The following XPR1 variants were observed in gnomAD, a reference collection of about 807,000 sequenced individuals.
The protein encoded by XPR1 is solute carrier family 53 member 1.
A neutral mutation model predicts 87.5 loss-of-function variants in XPR1; 28 were observed. That is an observed-to-expected ratio of 0.32 (90% CI 0.24 to 0.44). The LOEUF (loss-of-function observed/expected upper bound fraction) is 0.44. Ranked by LOEUF, XPR1 falls within the 20% of genes least tolerant of loss-of-function variation. The probability of loss-of-function intolerance (pLI) is 1.00; values close to 1 mark genes in which losing one functional copy is unlikely to be tolerated. For synonymous variants in XPR1, 300 were observed against 306.1 expected (o/e 0.98, Z 0.21); for missense variants, 559 against 862.3 (o/e 0.65, Z 4.41).
rs1653043593 is a variant in XPR1 at position 180,887,229 on chromosome 1, A to G, written c.*3163A>G. 1 of 152,232 alleles carries G rather than the reference A, an allele frequency of 6.6e-6. No individual in the cohort carries two copies. Among genetic ancestry groups the G allele is most frequent in the Non-Finnish European group, 1.5e-5 (1 of 68,036 alleles). The allele number at this position is 152,232 out of a possible 1,614,324, so 9.4% of individuals were successfully genotyped here. ...ACTCATTTTAAAGGAGCAGCAACCT[A>G]ACCAAATACAAACTTCATTTGATTT... On this transcript the variant is annotated 3_prime_UTR_variant, in exon 15 of 15. Coordinates refer to ENST00000367590, the MANE Select transcript of XPR1 (RefSeq NM_004736.4).
intron 1 of XPR1, among the ~76,000 whole-genome samples, chr1:180,673,622 G>A (rs2101933811): frequency 1.3e-5 from 2 of 152,278 alleles, no homozygotes; most frequent in South Asian, 2.1e-4. Flanking sequence ...CATCAGCAAC[G>A]GCGTTAGATT....
intron 2 of XPR1, among the ~76,000 whole-genome samples, chr1:180,697,696 G>C (rs1037380183): frequency 6.6e-6 from 1 of 151,948 alleles, no homozygotes; most frequent in Non-Finnish European, 1.5e-5. Context: ...TTTAATTTCT[G>C]TATTGACCCA....
At chr1:180,774,365 A>T (rs1648627688) in intron 2 of XPR1, among the ~76,000 whole-genome samples, 1 of 151,644 alleles carries the variant, frequency 6.6e-6, no homozygotes. Context: ...TTTTAAAAAA[A>T]GAAATCTGTC....
At chr1:180,679,225 A>AAACTT (rs1395734606) in intron 1 of XPR1, among the ~76,000 whole-genome samples, 1 of 151,450 alleles carries the variant, frequency 6.6e-6, no homozygotes, top group African/African-American at 2.4e-5. Context: ...AACAAAAAAA[A>AAACTT]CGGTGGGTTA....
At position 180,886,561 on chromosome 1, in the gene XPR1, T is replaced by C. The variant is rs1653018030; in HGVS notation, c.*2495T>C. 1 of 152,240 alleles carries C rather than the reference T, an allele frequency of 6.6e-6. No individual in the cohort carries two copies. Among genetic ancestry groups the C allele is most frequent in the South Asian group, 2.1e-4 (1 of 4,836 alleles). 9.4% of individuals were successfully genotyped at this position (152,240 alleles called of 1,614,324 possible). A position where few individuals can be genotyped will look rare whatever the true frequency, so the allele number is the denominator to read the frequency against. On this transcript the variant is annotated 3_prime_UTR_variant, in exon 15 of 15. Transcript: ENST00000367590. ...GATGCAATGATAGATGTAATCCTTT[T>C]CTGAAGTGTTTGTCGGATTGGCATA...
At chr1:180,761,713 C>T (rs1442276708) in intron 2 of XPR1, among the ~76,000 whole-genome samples, 5 of 152,250 alleles carry the variant, frequency 3.3e-5, no homozygotes, top group Non-Finnish European at 7.4e-5. Context: ...GTCAGTGTGG[C>T]AATTCCTCAG....
chr1:180,762,732 G>T (rs1371219695), intron 2 of XPR1, among the ~76,000 whole-genome samples: 1 of 152,156 alleles, frequency 6.6e-6, no homozygotes, highest in Non-Finnish European at 1.5e-5. Context: ...TTACTGTTTG[G>T]TGTTATTGCC....
intron 11 of XPR1, among the ~76,000 whole-genome samples, chr1:180,855,918 C>T (rs1473329292): frequency 1.3e-5 from 2 of 152,164 alleles, no homozygotes; most frequent in Non-Finnish European, 2.9e-5. Context: ...GTGCACTGCT[C>T]TCATTTCCCC....
intron 1 of XPR1, 131 bp from the exon 2 acceptor site, chr1:180,682,229 A>G: frequency 1.9e-6 from 1 of 532,054 alleles, no homozygotes; most frequent in Non-Finnish European, 3.1e-6. Flanking sequence ...ATAAATGTTA[A>G]TTGAAGTATT....
chr1:180,655,770 A>T (rs61038985), intron 1 of XPR1, among the ~76,000 whole-genome samples: 6,528 of 151,978 alleles, frequency 0.043, 501 homozygotes, highest in African/African-American at 0.15. Flanking sequence ...TTTAAAAAAA[A>T]TTGCCCAATT....
intron 7 of XPR1, among the ~76,000 whole-genome samples, chr1:180,822,927 A>G (rs1025144228): frequency 6.6e-6 from 1 of 152,166 alleles, no homozygotes; most frequent in Non-Finnish European, 1.5e-5. Context: ...TAAACAATAA[A>G]TGGTTATTTA....
intron 7 of XPR1, among the ~76,000 whole-genome samples, chr1:180,812,522 T>C (rs1253454288): frequency 6.6e-6 from 1 of 152,196 alleles, no homozygotes; most frequent in East Asian, 1.9e-4. Context: ...TCTTTTAGTT[T>C]CTCTTGTCCC....
intron 13 of XPR1, among the ~76,000 whole-genome samples, chr1:180,874,504 A>G (rs1652598629): frequency 6.6e-6 from 1 of 152,194 alleles, no homozygotes; most frequent in African/African-American, 2.4e-5. Context: ...AACCTGGCCA[A>G]CATGGTGAAA....
At chr1:180,653,834 G>T (rs1478517791) in intron 1 of XPR1, among the ~76,000 whole-genome samples, 3 of 152,240 alleles carry the variant, frequency 2.0e-5, no homozygotes, top group Middle Eastern at 3.4e-3. Context: ...TGACTACTAA[G>T]TGACTAATTG....
Position 180,880,070 on chromosome 1 carries a change from G to C in XPR1, c.1809-6G>C. ...TAAGTACTTTGATCTACCCCATTTTGCTAAGGCGATTTGTGTGGAACTTCT... is the reference window on the plus strand; with the variant it reads ...TAAGTACTTTGATCTACCCCATTTTCCTAAGGCGATTTGTGTGGAACTTCT... On this transcript the variant is annotated splice_region_variant and splice_polypyrimidine_tract_variant and intron_variant, in intron 13 of 14. Transcript: ENST00000367590. 2 of 1,614,100 alleles carry C rather than the reference G, an allele frequency of 1.2e-6. No individual in the cohort carries two copies. Among genetic ancestry groups the C allele is most frequent in the Non-Finnish European group, 1.7e-6 (2 of 1,180,016 alleles).
chr1:180,697,723 A>G (rs1030960555), intron 2 of XPR1, among the ~76,000 whole-genome samples: 1 of 152,066 alleles, frequency 6.6e-6, no homozygotes, highest in African/African-American at 2.4e-5. Context: ...ATTGAGGAGC[A>G]TGTTGTTAAT....
intron 1 of XPR1, among the ~76,000 whole-genome samples, chr1:180,633,941 T>C (rs1654681507): frequency 6.6e-6 from 1 of 152,226 alleles, no homozygotes; most frequent in Admixed American, 6.5e-5. Context: ...GAAGTAATAG[T>C]GGCTGGATGT....
intron 2 of XPR1, among the ~76,000 whole-genome samples, chr1:180,713,741 A>T (rs1164259519): frequency 7.2e-5 from 11 of 152,158 alleles, no homozygotes; most frequent in Non-Finnish European, 1.3e-4. Flanking sequence ...GTCATTACAT[A>T]TCCTTTTTAT....
intron 11 of XPR1, among the ~76,000 whole-genome samples, chr1:180,846,286 G>A: frequency 6.6e-6 from 1 of 151,696 alleles, no homozygotes; most frequent in Non-Finnish European, 1.5e-5. Flanking sequence ...AATGTCAAGG[G>A]TAGTTAGGGT....
Sources: gnomAD v4.1 joint callset for allele counts (sites outside exome capture counted in the v4.1 genomes callset) on GRCh38, gnomAD v4.1.1 for gene constraint, MANE v1.5 for transcripts, NCBI Gene and HGNC (gene_info 2026-07-23, HGNC 2026-07-21) for gene names.